Variants in SH3BGRL observed in about 807,000 individuals in gnomAD.
The protein encoded by SH3BGRL is SH3 domain binding glutamate rich protein like, also known as adapter SH3BGRL.
In SH3BGRL, 7 loss-of-function variants were observed where a neutral mutation model predicts 9.8. The observed-to-expected ratio is 0.72, with a 90% CI of 0.41 to 1.35. The LOEUF is 1.35. Ranked by LOEUF, SH3BGRL falls within the 40% of genes most tolerant of loss-of-function variation. SH3BGRL has a pLI of 0.01. For synonymous variants in SH3BGRL, 36 were observed against 29.1 expected (o/e 1.24, Z -0.76); for missense variants, 73 against 84.4 (o/e 0.86, Z 0.53).
chrX:81,228,788 T>C (rs1214500755), intron 1 of SH3BGRL, among the ~76,000 whole-genome samples: 1 of 112,201 alleles, frequency 8.9e-6, no homozygotes, highest in Non-Finnish European at 1.9e-5. Context: ...TCACATTACT[T>C]TGTTCATATG....
At chrX:81,267,190 C>T (rs1275487599) in intron 1 of SH3BGRL, among the ~76,000 whole-genome samples, 2 of 111,658 alleles carry the variant, frequency 1.8e-5, no homozygotes, top group African/African-American at 3.3e-5. Flanking sequence ...TAATTGAATA[C>T]CCTTTATTTC....
intron 1 of SH3BGRL, among the ~76,000 whole-genome samples, chrX:81,265,455 C>T (rs967688734): frequency 2.7e-5 from 3 of 110,383 alleles, no homozygotes; most frequent in Non-Finnish European, 5.7e-5. Flanking sequence ...TGAGAACATG[C>T]GGTGTTTGGT....
At chrX:81,287,838 C>T in intron 3 of SH3BGRL, among the ~76,000 whole-genome samples, 1 of 110,278 alleles carries the variant, frequency 9.1e-6, no homozygotes, top group Admixed American at 9.7e-5. Context: ...TTTACTCAAA[C>T]TATTCTGATA....
chrX:81,210,639 C>T (rs1362641159), intron 1 of SH3BGRL, among the ~76,000 whole-genome samples: 2 of 111,160 alleles, frequency 1.8e-5, no homozygotes, highest in Admixed American at 1.9e-4. Flanking sequence ...GTAAAGTACC[C>T]CCCAGGTTTG....
At chrX:81,239,430 C>T (rs2147685868) in intron 1 of SH3BGRL, among the ~76,000 whole-genome samples, 1 of 111,764 alleles carries the variant, frequency 8.9e-6, no homozygotes, top group South Asian at 3.7e-4. Context: ...ATTGATCAGA[C>T]AAGAAAGAAG....
intron 1 of SH3BGRL, among the ~76,000 whole-genome samples, chrX:81,269,640 G>A (rs1313932459): frequency 9.0e-6 from 1 of 111,255 alleles, no homozygotes; most frequent in Admixed American, 9.6e-5. Context: ...CTCCCTGGCT[G>A]CCCTTAACAT....
intron 1 of SH3BGRL, among the ~76,000 whole-genome samples, chrX:81,241,271 G>C (rs1310418628): frequency 6.2e-5 from 7 of 112,266 alleles, no homozygotes; most frequent in Non-Finnish European, 9.4e-5. Context: ...GCACGGGCCT[G>C]CATGCACCCC....
chrX:81,217,425 C>A (rs1193292225), intron 1 of SH3BGRL, among the ~76,000 whole-genome samples: 1 of 110,387 alleles, frequency 9.1e-6, no homozygotes, highest in East Asian at 2.8e-4. Flanking sequence ...TTTAGCACTG[C>A]TTTTGCTGTT....
chrX:81,205,093 T>C (rs1235187751), intron 1 of SH3BGRL, among the ~76,000 whole-genome samples: 2 of 112,164 alleles, frequency 1.8e-5, no homozygotes, highest in East Asian at 5.6e-4. Flanking sequence ...ACATTCTAGC[T>C]GTTTTTTCTA....
intron 3 of SH3BGRL, among the ~76,000 whole-genome samples, chrX:81,282,734 G>A (rs1479521478): frequency 1.8e-5 from 2 of 111,299 alleles, no homozygotes; most frequent in Non-Finnish European, 3.8e-5. Context: ...GTCTGAAAGA[G>A]CACAAACAAT....
intron 1 of SH3BGRL, among the ~76,000 whole-genome samples, chrX:81,205,504 G>GTATATATATA (rs34834268): frequency 1.4e-4 from 12 of 85,152 alleles, no homozygotes; most frequent in African/African-American, 4.6e-4. Context: ...GTGTGTGTGT[G>GTATATATATA]TATATATATA....
chrX:81,283,949 C>T (rs962559413), intron 3 of SH3BGRL, among the ~76,000 whole-genome samples: 27 of 110,956 alleles, frequency 2.4e-4, no homozygotes, highest in African/African-American at 5.6e-4. Context: ...GCTCCCAGAA[C>T]GATAAAAGAA....
At chrX:81,241,991 C>T (rs1426222519) in intron 1 of SH3BGRL, among the ~76,000 whole-genome samples, 2 of 112,483 alleles carry the variant, frequency 1.8e-5, no homozygotes, top group South Asian at 3.7e-4. Flanking sequence ...CTTCTCTGCC[C>T]TGGCTTGCCC....
At chrX:81,259,914 A>G (rs1442867104) in intron 1 of SH3BGRL, among the ~76,000 whole-genome samples, 7 of 111,680 alleles carry the variant, frequency 6.3e-5, no homozygotes, top group Non-Finnish European at 3.8e-5. Context: ...CATATGAATC[A>G]TTGCTTCTTC....
intron 1 of SH3BGRL, among the ~76,000 whole-genome samples, chrX:81,241,712 T>A (rs933781248): frequency 8.9e-6 from 1 of 111,810 alleles, no homozygotes; most frequent in African/African-American, 3.3e-5. Context: ...ACCCCAGACT[T>A]AGGGGGTCCC....
chrX:81,251,226 T>C (rs192893700), intron 1 of SH3BGRL, among the ~76,000 whole-genome samples: 3 of 112,089 alleles, frequency 2.7e-5, no homozygotes, highest in Admixed American at 9.4e-5. Flanking sequence ...CTGGAAAATG[T>C]ATTAGACAAA....
At chrX:81,216,337 A>T (rs925953266) in intron 1 of SH3BGRL, among the ~76,000 whole-genome samples, 2 of 111,307 alleles carry the variant, frequency 1.8e-5, no homozygotes, top group Admixed American at 9.6e-5. Context: ...CATATTTATG[A>T]GGCACATGAG....
At chrX:81,215,147 T>A (rs2075577620) in intron 1 of SH3BGRL, among the ~76,000 whole-genome samples, 1 of 110,053 alleles carries the variant, frequency 9.1e-6, no homozygotes, top group Non-Finnish European at 1.9e-5. Flanking sequence ...ATTATTCAAT[T>A]CTAGTGGAGA....
At chrX:81,222,417 G>C (rs1373269853) in intron 1 of SH3BGRL, among the ~76,000 whole-genome samples, 1 of 101,882 alleles carries the variant, frequency 9.8e-6, no homozygotes, top group African/African-American at 3.7e-5. Context: ...GTGAGAACAT[G>C]CGGTGTTTGG....
Sources: allele counts gnomAD v4.1 joint callset (sites outside exome capture counted in the v4.1 genomes callset), GRCh38; gene constraint gnomAD v4.1.1; transcripts MANE v1.5; gene names NCBI Gene and HGNC (gene_info 2026-07-23, HGNC 2026-07-21).